Variants in DRC8 observed in about 807,000 individuals in gnomAD.
DRC8 encodes dynein regulatory complex subunit 8, also known as dynein regulatory complex protein 8.
At chr1:245,064,993 T>C in the DRC8 span, among the ~76,000 whole-genome samples, 1 of 152,054 alleles carries the variant, frequency 6.6e-6, no homozygotes, top group African/African-American at 2.4e-5. Flanking sequence ...TTGCAATTAT[T>C]TTGTTTTCTT....
the DRC8 span, among the ~76,000 whole-genome samples, chr1:245,041,079 G>T: frequency 6.6e-6 from 1 of 152,186 alleles, no homozygotes; most frequent in East Asian, 1.9e-4. Context: ...GAATAGTTTA[G>T]ACGTTCTGGT....
At chr1:244,979,731 G>C in the DRC8 span, among the ~76,000 whole-genome samples, 4 of 151,756 alleles carry the variant, frequency 2.6e-5, no homozygotes, top group Admixed American at 6.6e-5. Context: ...TGTGAGCCAC[G>C]ACTCCCAGCC....
At chr1:245,054,771 A>G in the DRC8 span, among the ~76,000 whole-genome samples, 2 of 152,146 alleles carry the variant, frequency 1.3e-5, no homozygotes, top group East Asian at 1.9e-4. Flanking sequence ...CTTCTCCTGC[A>G]CTTCGCACTC....
the DRC8 span, among the ~76,000 whole-genome samples, chr1:245,085,622 G>A: frequency 5.6e-3 from 847 of 152,322 alleles, 3 homozygotes; most frequent in Non-Finnish European, 1.0e-2. Context: ...AGGCTCAGGA[G>A]TTTGGAATTC....
the DRC8 span, among the ~76,000 whole-genome samples, chr1:245,018,787 A>T: frequency 6.6e-6 from 1 of 152,182 alleles, no homozygotes; most frequent in Admixed American, 6.5e-5. Context: ...TGGGTGCCAG[A>T]GGCTTCACGT....
chr1:245,067,176 G>T, the DRC8 span, among the ~76,000 whole-genome samples: 1 of 151,974 alleles, frequency 6.6e-6, no homozygotes, highest in Non-Finnish European at 1.5e-5. Flanking sequence ...GCCCAGGTTG[G>T]AGTGCAGTGG....
the DRC8 span, among the ~76,000 whole-genome samples, chr1:245,032,783 CT>C: frequency 6.6e-6 from 1 of 152,026 alleles, no homozygotes; most frequent in Non-Finnish European, 1.5e-5. Context: ...GTCTGTTGCT[CT>C]AGGATCCTGG....
the DRC8 span, among the ~76,000 whole-genome samples, chr1:245,118,466 A>G: frequency 6.6e-6 from 1 of 151,936 alleles, no homozygotes; most frequent in African/African-American, 2.4e-5. Flanking sequence ...CGAGTGAGAA[A>G]CCTTTATCGG....
At chr1:245,043,000 C>T in the DRC8 span, among the ~76,000 whole-genome samples, 1 of 152,082 alleles carries the variant, frequency 6.6e-6, no homozygotes, top group Non-Finnish European at 1.5e-5. Flanking sequence ...CTCATTTGCT[C>T]CAAATAGTCT....
chr1:245,001,498 G>A, the DRC8 span, among the ~76,000 whole-genome samples: 2 of 152,286 alleles, frequency 1.3e-5, no homozygotes, highest in South Asian at 4.1e-4. Flanking sequence ...ATTTTTGGGT[G>A]GTTCACATGT....
chr1:245,114,204 C>T, the DRC8 span, among the ~76,000 whole-genome samples: 1 of 152,160 alleles, frequency 6.6e-6, no homozygotes, highest in South Asian at 2.1e-4. Flanking sequence ...GTGGCTCACA[C>T]CTGTAATCCC....
At chr1:244,992,664 T>G in the DRC8 span, among the ~76,000 whole-genome samples, 1 of 152,186 alleles carries the variant, frequency 6.6e-6, no homozygotes, top group African/African-American at 2.4e-5. Context: ...CACTTGAACC[T>G]GGGAGGCGAA....
chr1:245,095,778 C>G, the DRC8 span, among the ~76,000 whole-genome samples: 3 of 152,242 alleles, frequency 2.0e-5, no homozygotes, highest in African/African-American at 4.8e-5. Flanking sequence ...GTAGTTAAAT[C>G]TTAATTTAAT....
the DRC8 span, among the ~76,000 whole-genome samples, chr1:244,996,974 ATCT>A: frequency 4.6e-5 from 7 of 152,190 alleles, no homozygotes; most frequent in African/African-American, 1.7e-4. Context: ...ACCTATGCAC[ATCT>A]TCTTGTATAC....
the DRC8 span, among the ~76,000 whole-genome samples, chr1:245,114,114 T>C: frequency 6.6e-6 from 1 of 152,232 alleles, no homozygotes; most frequent in African/African-American, 2.4e-5. Context: ...TGGGATCTGC[T>C]ACCAACTCCC....
the DRC8 span, among the ~76,000 whole-genome samples, chr1:244,971,768 G>A: frequency 6.6e-6 from 1 of 152,074 alleles, no homozygotes; most frequent in African/African-American, 2.4e-5. Flanking sequence ...GAAAATCGGC[G>A]AAGAAACACA....
the DRC8 span, chr1:245,122,199 G>A: frequency 3.2e-5 from 7 of 215,744 alleles, no homozygotes; most frequent in East Asian, 1.5e-4. Context: ...CACCGCACCC[G>A]GCTGCTTCCT....
the DRC8 span, among the ~76,000 whole-genome samples, chr1:245,066,867 A>C: frequency 6.6e-6 from 1 of 152,100 alleles, no homozygotes; most frequent in Non-Finnish European, 1.5e-5. Context: ...AGATTGCGCC[A>C]GTGCACTCCA....
At chr1:244,977,147 G>A in the DRC8 span, among the ~76,000 whole-genome samples, 2 of 152,182 alleles carry the variant, frequency 1.3e-5, no homozygotes, top group Non-Finnish European at 1.5e-5. Flanking sequence ...GAGGAGAATG[G>A]GAAGTTGTTT....
Sources: allele counts gnomAD v4.1 joint callset (sites outside exome capture counted in the v4.1 genomes callset), GRCh38; gene constraint gnomAD v4.1.1; transcripts MANE v1.5; gene names NCBI Gene and HGNC (gene_info 2026-07-23, HGNC 2026-07-21).